The following LAMA3 variants were observed in gnomAD, a reference collection of about 807,000 sequenced individuals.
LAMA3 encodes laminin subunit alpha 3, also known as laminin subunit alpha-3.
In LAMA3, 281 loss-of-function variants were observed where a neutral mutation model predicts 402.0. That is an observed-to-expected ratio of 0.70 (90% CI 0.63 to 0.77). The LOEUF (loss-of-function observed/expected upper bound fraction) is 0.77. LAMA3 is among the 30% of genes least tolerant of loss of function. The pLI is 0.00. For missense variants in LAMA3, 3,840 were observed against 4,215.5 expected (o/e 0.91, Z 2.47); for synonymous variants, 1,431 against 1,558.4 (o/e 0.92, Z 1.93).
intron 43 of LAMA3, 71 bp downstream of exon 43, chr18:23,894,419 C>G (rs1363724513): frequency 7.6e-7 from 1 of 1,308,738 alleles, no homozygotes; most frequent in African/African-American, 1.5e-5. Context: ...GAGCACCATG[C>G]TGGGTCATGC....
At position 23,904,426 on chromosome 18, in the gene LAMA3, T is replaced by C. The variant is rs2081173873; in HGVS notation, c.6474-127T>C. 3.5e-6 allele frequency: 4 copies of C among 1,146,746 alleles called. No individual in the cohort carries two copies. In the African/African-American group the frequency reaches 4.8e-5, roughly 14 times the overall value. 71.0% of individuals were successfully genotyped at this position (1,146,746 alleles called of 1,614,324 possible). ...TCTGCCATCTCTTTATTTTATTTTG[T>C]TTTTTTCCATTTCTTAAAAAAAAAA... On this transcript the variant is annotated intron_variant, in intron 50 of 74. Transcript: ENST00000313654.
intron 40 of LAMA3, among the ~76,000 whole-genome samples, chr18:23,883,806 C>T (rs1459396438): frequency 1.3e-5 from 2 of 152,228 alleles, no homozygotes; most frequent in African/African-American, 4.8e-5. Context: ...GTAGTAGCAT[C>T]AAGGTCAGCT....
In LAMA3 at chr18:23,943,811, A is replaced by G. The variant is rs1370414669; in HGVS notation, c.9050A>G (p.Gln3017Arg). ...AGGTCACAGTTTGCTGTGGACATGC[A>G]GACAACATCCTCCAGAGGACTGGTG... Reference protein sequence around the residue: ...KPRSQFAVDMQTTSSRGLVFH... With the variant: ...KPRSQFAVDMRTTSSRGLVFH... The change falls in exon 69 of 75, where the codon CAG becomes CGG. Residue 3017 changes from glutamine (Q) to arginine (R), a missense_variant. Physicochemically the swap from Gln to Arg is conservative, Grantham distance 43. Coordinates refer to ENST00000313654, the MANE Select transcript of LAMA3 (RefSeq NM_198129.4). 8 of 1,613,890 alleles carry G rather than the reference A, an allele frequency of 5.0e-6. No individual in the cohort carries two copies. The Admixed American group carries it at 8.3e-5, about 17-fold the overall frequency.
At position 23,775,920 on chromosome 18, in the gene LAMA3, TTGAG is replaced by T; in HGVS notation, c.1404_1405+2del. The T allele has an allele frequency of 6.2e-7, 1 of 1,614,146 alleles. No individual in the cohort carries two copies. The highest frequency in any genetic ancestry group is 8.5e-7 in the Non-Finnish European group (1 of 1,180,018). ...TGGATACTACAATTTCCCATTTTGCTTGAGTAAGTACCCACTGCAGAACAAGAGG... is the reference window on the plus strand; with the variant it reads ...TGGATACTACAATTTCCCATTTTGCTTAAGTACCCACTGCAGAACAAGAGG... On this transcript the variant is annotated splice_donor_variant and coding_sequence_variant, in exon 10 of 75. Transcript: ENST00000313654. LOFTEE classifies it high-confidence loss of function.
rs191491916 is a variant in LAMA3 at position 23,924,436 on chromosome 18, G to A, written c.8177+2851G>A. Among the ~76,000 whole-genome samples the A allele has an allele frequency of 1.5e-3, 235 of 152,182 alleles. 1 individual carries two copies. Among genetic ancestry groups the A allele is most frequent in the South Asian group, 9.8e-3 (47 of 4,818 alleles). ...CAAAATGCTGTGATTACAGGCATGA[G>A]CCACCATGCCTGGCCTAGAATTTTC... is the stretch of plus-strand genomic sequence containing the variant. On this transcript the variant is annotated intron_variant, in intron 62 of 74. Transcript: ENST00000313654.
chr18:23,742,650 A>T (rs867247601), intron 2 of LAMA3, among the ~76,000 whole-genome samples: 2 of 148,040 alleles, frequency 1.4e-5, no homozygotes, highest in South Asian at 2.2e-4. Flanking sequence ...AGAATCAAAA[A>T]TGTGTGTGTG....
At chr18:23,693,881 C>A (rs2060637652) in intron 1 of LAMA3, among the ~76,000 whole-genome samples, 1 of 152,196 alleles carries the variant, frequency 6.6e-6, no homozygotes, top group Non-Finnish European at 1.5e-5. Flanking sequence ...CTAAGTGGCA[C>A]CTGAGTGGTC....
At chr18:23,940,138 T>C (rs978480948) in intron 68 of LAMA3, among the ~76,000 whole-genome samples, 1 of 152,044 alleles carries the variant, frequency 6.6e-6, no homozygotes, top group Non-Finnish European at 1.5e-5. Context: ...TGGGGAAGCC[T>C]GTGAGAGATG....
intron 32 of LAMA3, among the ~76,000 whole-genome samples, chr18:23,856,720 C>A (rs2064088985): frequency 6.6e-6 from 1 of 152,110 alleles, no homozygotes; most frequent in African/African-American, 2.4e-5. Context: ...TTGCAGGTAA[C>A]AAGGGACATT....
At chr18:23,946,495 G>A (rs1368886289) in intron 70 of LAMA3, 1 of 603,020 alleles carries the variant, frequency 1.7e-6, no homozygotes, top group Non-Finnish European at 2.9e-6. Flanking sequence ...TGAGACGCAG[G>A]CCCTGAAAGG....
At chr18:23,901,369 G>C (rs747549600) in intron 48 of LAMA3, 46 bp downstream of exon 48, 5 of 1,493,606 alleles carry the variant, frequency 3.3e-6, no homozygotes, top group Admixed American at 3.3e-5. Context: ...ATAAGGATGA[G>C]AGAAGCAGGG....
At chr18:23,790,700 G>A (rs979036302) in intron 12 of LAMA3, among the ~76,000 whole-genome samples, 2 of 152,138 alleles carry the variant, frequency 1.3e-5, no homozygotes, top group African/African-American at 4.8e-5. Flanking sequence ...TCAGTAAATT[G>A]CAGCAATAAT....
In LAMA3 at chr18:23,777,440, C is replaced by G. The variant is rs2062346389; in HGVS notation, c.1406-117C>G. 3 of 753,872 alleles carry G rather than the reference C, an allele frequency of 4.0e-6. No individual in the cohort carries two copies. In the South Asian group the frequency reaches 4.5e-5, roughly 11 times the overall value. 46.7% of individuals were successfully genotyped at this position (753,872 alleles called of 1,614,324 possible). A position where few individuals can be genotyped will look rare whatever the true frequency, so the allele number is the denominator to read the frequency against. ...ATATCGCCTTTCTTTAAATTAGTCT[C>G]TATATGCTACTTTTCACTAAGTGAC... On this transcript the variant is annotated intron_variant, in intron 10 of 74. Coordinates refer to ENST00000313654, the MANE Select transcript of LAMA3 (RefSeq NM_198129.4).
intron 2 of LAMA3, among the ~76,000 whole-genome samples, chr18:23,715,339 G>A (rs1282987748): frequency 6.6e-6 from 1 of 151,868 alleles, no homozygotes; most frequent in African/African-American, 2.4e-5. Flanking sequence ...AAAAAAGGAG[G>A]GAGAAAATAA....
chr18:23,769,106 T>A (rs998390926), intron 8 of LAMA3, among the ~76,000 whole-genome samples: 1 of 152,166 alleles, frequency 6.6e-6, no homozygotes, highest in Non-Finnish European at 1.5e-5. Context: ...TATATCCAGC[T>A]AACAAATCTG....
chr18:23,883,844 G>C (rs1478860123), intron 40 of LAMA3, among the ~76,000 whole-genome samples: 2 of 152,204 alleles, frequency 1.3e-5, no homozygotes, highest in African/African-American at 4.8e-5. Flanking sequence ...GAAGTAACAC[G>C]TAGGTCTTTG....
intron 37 of LAMA3, among the ~76,000 whole-genome samples, chr18:23,869,689 C>T (rs1208696492): frequency 6.6e-6 from 1 of 152,016 alleles, no homozygotes; most frequent in Non-Finnish European, 1.5e-5. Context: ...ATAATGATAG[C>T]ACAAGACATT....
intron 36 of LAMA3, among the ~76,000 whole-genome samples, chr18:23,865,169 A>G (rs1271533930): frequency 1.3e-5 from 2 of 151,954 alleles, no homozygotes; most frequent in Non-Finnish European, 2.9e-5. Flanking sequence ...AACTTTTTTT[A>G]TCTTTGTAGA....
intron 1 of LAMA3, among the ~76,000 whole-genome samples, chr18:23,704,880 A>G (rs2060857413): frequency 6.7e-6 from 1 of 148,800 alleles, no homozygotes; most frequent in Non-Finnish European, 1.5e-5. Flanking sequence ...ATCATAAAAA[A>G]TGTTAGGAAC....
Sources: allele counts gnomAD v4.1 joint callset (sites outside exome capture counted in the v4.1 genomes callset), GRCh38; gene constraint gnomAD v4.1.1; transcripts MANE v1.5; gene names NCBI Gene and HGNC (gene_info 2026-07-23, HGNC 2026-07-21).